Variants in LCT observed in about 807,000 individuals in gnomAD.
The protein encoded by LCT is lactase.
In LCT, 90 loss-of-function variants were observed where a neutral mutation model predicts 173.0. That is an observed-to-expected ratio of 0.52 (90% CI 0.44 to 0.62). LCT has a LOEUF of 0.62. LCT is among the 20% of genes least tolerant of loss of function. The pLI, the probability that LCT is intolerant of heterozygous loss-of-function variation, is 0.00. For missense variants in LCT, 1,864 were observed against 2,431.4 expected, an observed-to-expected ratio of 0.77 and a Z score of 4.91; for synonymous variants, 853 against 957.6, an observed-to-expected ratio of 0.89 and a Z score of 2.02.
chr2:135,826,893 T>G (rs987315988), intron 3 of LCT, among the ~76,000 whole-genome samples: 7 of 152,320 alleles, frequency 4.6e-5, no homozygotes, highest in Middle Eastern at 3.4e-3. Flanking sequence ...AGGTGAGGCA[T>G]TCACAAAAAC....
At chr2:135,795,508 C>T (rs1308196538) in intron 13 of LCT, among the ~76,000 whole-genome samples, 1 of 151,894 alleles carries the variant, frequency 6.6e-6, no homozygotes. Flanking sequence ...CACACCCGGC[C>T]CTGTATCTTG....
At chr2:135,829,971 A>C (rs1269129569) in intron 2 of LCT, among the ~76,000 whole-genome samples, 1 of 152,098 alleles carries the variant, frequency 6.6e-6, no homozygotes, top group Non-Finnish European at 1.5e-5. Flanking sequence ...GGCTAAATGA[A>C]TGCGTGAAGG....
chr2:135,788,496 A>C lies in LCT; in HGVS notation c.5612T>G (p.Leu1871Arg). The change falls in exon 17 of 17, where the codon CTG (leucine) becomes CGG (arginine). Residue 1871 changes from leucine to arginine, a missense_variant. Physicochemically the swap from Leu to Arg is moderately radical, Grantham distance 102 (BLOSUM62 -2). Around this residue, in one of 4 missense-constraint regions of LCT, gnomAD observed 514 missense variants for 750.1 expected, o/e 0.69. Coordinates refer to ENST00000264162, the MANE Select transcript of LCT (RefSeq NM_002299.4). ...SPVRQEEVQF[L>R]GLMLGTTEAQ... The stretch of plus-strand genomic sequence containing the variant: ...TTCTGTGGTGCCGAGCATTAGCCCC[A>C]GGAACTGCACCTCCTCCTGTCTCAC... 6.2e-7 allele frequency: 1 copy of C among 1,612,798 alleles called. No individual in the cohort carries two copies. The highest frequency in any genetic ancestry group is 8.5e-7 in the Non-Finnish European group (1 of 1,179,894).
rs150519610 is a variant in LCT, at chr2:135,788,512, C to T, written c.5596G>A (p.Glu1866Lys). ...ATTAGCCCCAGGAACTGCACCTCCT[C>T]CTGTCTCACGGGGCTGATGGTGGGT... ...AGPTISPVRQ[E>K]EVQFLGLMLG... is the part of the protein sequence containing the mutation. The change falls in exon 17 of 17, where the codon GAG (glutamate) becomes AAG (lysine). Residue 1866 changes from glutamate (E) to lysine (K), a missense_variant. Physicochemically the swap from Glu to Lys is moderately conservative, Grantham distance 56. Around this residue, in one of 4 missense-constraint regions of LCT, gnomAD observed 514 missense variants for 750.1 expected, o/e 0.69. Transcript: ENST00000264162. 3 of 1,612,102 alleles carry T rather than the reference C, an allele frequency of 1.9e-6. No homozygotes were observed. The African/African-American group carries it at 4.0e-5, about 22-fold the overall frequency.
intron 9 of LCT, among the ~76,000 whole-genome samples, chr2:135,805,945 G>T (rs904241273): frequency 1.3e-5 from 2 of 152,134 alleles, no homozygotes; most frequent in African/African-American, 4.8e-5. Flanking sequence ...GGGAGGCTGA[G>T]GGAGGAGGAT....
At chr2:135,836,190 G>C (rs6730196) in intron 1 of LCT, among the ~76,000 whole-genome samples, 1 of 150,854 alleles carries the variant, frequency 6.6e-6, no homozygotes, top group East Asian at 2.0e-4. Context: ...GGCTAATTTT[G>C]GTATTTTTAG....
intron 10 of LCT, among the ~76,000 whole-genome samples, 153 bp from the exon 11 acceptor site, chr2:135,804,281 G>A (rs960581863): frequency 1.3e-5 from 2 of 152,214 alleles, no homozygotes; most frequent in African/African-American, 4.8e-5. Context: ...TTTGGGAAAA[G>A]GGTAAATTGC....
In LCT at chr2:135,790,715, G is replaced by A. The variant is rs1156561302; in HGVS notation, c.5278C>T (p.Leu1760Phe). The A allele has an allele frequency of 6.2e-7, 1 of 1,613,632 alleles. No homozygotes were observed. Among genetic ancestry groups the A allele is most frequent in the Non-Finnish European group, 8.5e-7 (1 of 1,179,946 alleles). ...TAGTAGATCCTTGCAGTGTCATTGAGGTCTGTTTCTTCCCGCTGGGACACT... is the reference window on the plus strand; with the variant it reads ...TAGTAGATCCTTGCAGTGTCATTGAAGTCTGTTTCTTCCCGCTGGGACACT... ...NGVSQREETDLNDTARIYYLR... is the reference protein window; with the variant it reads ...NGVSQREETDFNDTARIYYLR... The change falls in exon 15 of 17, where the codon CTC (leucine) becomes TTC (phenylalanine). Residue 1760 changes from leucine (L) to phenylalanine (F), a missense_variant. Leu to Phe is a conservative substitution (Grantham distance 22). Coordinates refer to ENST00000264162, the MANE Select transcript of LCT (RefSeq NM_002299.4). The surrounding 1 kb of genome is among the most constrained non-coding windows in gnomAD (Gnocchi z 4.1).
intron 12 of LCT, 111 bp downstream of exon 12, chr2:135,800,496 A>T: frequency 2.2e-6 from 2 of 927,622 alleles, no homozygotes; most frequent in Non-Finnish European, 3.5e-6. Context: ...AAGTGCTGGG[A>T]TTATAGACAT....
At position 135,826,896 on chromosome 2, in the gene LCT, A is replaced by T. The variant is rs1401638750; in HGVS notation, c.804+2697T>A. The stretch of plus-strand genomic sequence containing the variant: ...AAGTTTAGGTTCAGGTGAGGCATTC[A>T]CAAAAACAACTGAAACTGATCATAT... On this transcript the variant is annotated intron_variant, in intron 3 of 16. Coordinates refer to ENST00000264162, the MANE Select transcript of LCT (RefSeq NM_002299.4). Among the ~76,000 whole-genome samples, 4 of 152,200 alleles carry T rather than the reference A, an allele frequency of 2.6e-5. No homozygotes were observed. In the South Asian group the frequency reaches 8.3e-4, roughly 32 times the overall value.
chr2:135,812,040 C>T (rs537335946), intron 7 of LCT, among the ~76,000 whole-genome samples: 1 of 152,222 alleles, frequency 6.6e-6, no homozygotes, highest in African/African-American at 2.4e-5. Context: ...GTTTATGCCA[C>T]CGCACTCCAG....
At position 135,805,325 on chromosome 2, in the gene LCT, T is replaced by C. The variant is rs1386156178; in HGVS notation, c.4174-268A>G. Reference sequence around the variant, plus strand: ...AAAAATCAAAAAAATTAGCCAAGTGTGGTTACCTCCTCTGGGAGCCTGCTC... The same window carrying C: ...AAAAATCAAAAAAATTAGCCAAGTGCGGTTACCTCCTCTGGGAGCCTGCTC... On this transcript the variant is annotated intron_variant, in intron 9 of 16. Coordinates refer to ENST00000264162, the MANE Select transcript of LCT (RefSeq NM_002299.4). Among the ~76,000 whole-genome samples, 3 of 152,046 alleles carry C rather than the reference T, an allele frequency of 2.0e-5. No homozygotes were observed. In the East Asian group the frequency reaches 5.8e-4, roughly 29 times the overall value.
At chr2:135,810,165 C>T (rs1025452609) in intron 7 of LCT, 172 bp from the exon 8 acceptor site, 10 of 606,562 alleles carry the variant, frequency 1.6e-5, no homozygotes, top group Non-Finnish European at 2.6e-5. Flanking sequence ...ATTTATTTAT[C>T]TTTTAAAGAC....
At chr2:135,804,590 G>A (rs901766879) in intron 10 of LCT, among the ~76,000 whole-genome samples, 177 bp downstream of exon 10, 2 of 152,198 alleles carry the variant, frequency 1.3e-5, no homozygotes, top group Non-Finnish European at 2.9e-5. Flanking sequence ...GCTGAGAAAC[G>A]AGATCCGCCA....
chr2:135,795,195 A>G (rs1253001725), intron 13 of LCT, among the ~76,000 whole-genome samples: 1 of 140,436 alleles, frequency 7.1e-6, no homozygotes. Context: ...CTATGTTTGT[A>G]AAGTTAGATC....
At chr2:135,801,262 G>C (rs1398859964) in intron 11 of LCT, among the ~76,000 whole-genome samples, 1 of 152,132 alleles carries the variant, frequency 6.6e-6, no homozygotes, top group Non-Finnish European at 1.5e-5. Context: ...ATCAGATGGT[G>C]GCACCTAAAG....
At chr2:135,807,702 G>A (rs551307921) in intron 8 of LCT, among the ~76,000 whole-genome samples, 1 of 152,252 alleles carries the variant, frequency 6.6e-6, no homozygotes, top group African/African-American at 2.4e-5. Flanking sequence ...CTAGCTACTG[G>A]GGAGGCTGAG....
chr2:135,834,787 CAA>C (rs60298631), intron 1 of LCT, among the ~76,000 whole-genome samples: 4 of 34,180 alleles, frequency 1.2e-4, no homozygotes, highest in South Asian at 3.2e-3. Context: ...GACTCCATCT[CAA>C]AAAAAAAAAA....
At chr2:135,833,314 G>A (rs1414801437) in intron 1 of LCT, 124 bp from the exon 2 acceptor site, 3 of 781,948 alleles carry the variant, frequency 3.8e-6, no homozygotes, top group Non-Finnish European at 6.9e-6. Flanking sequence ...TACTCTAGCT[G>A]AAAGATTTTA....
Sources: gnomAD v4.1 joint callset for allele counts (sites outside exome capture counted in the v4.1 genomes callset) on GRCh38, gnomAD v4.1.1 for gene constraint, gnomAD v4.1.1 regional missense constraint, Gnocchi (gnomAD v3.1) non-coding constraint, MANE v1.5 for transcripts, NCBI Gene and HGNC (gene_info 2026-07-23, HGNC 2026-07-21) for gene names.